Variants in FOXP1 observed in about 807,000 individuals in gnomAD.
FOXP1 encodes forkhead box protein P1.
FOXP1 carries 15 observed loss-of-function variants against 98.2 expected under a neutral mutation model. That is an observed-to-expected ratio of 0.15 (90% confidence interval 0.10 to 0.24). The LOEUF (loss-of-function observed/expected upper bound fraction) is 0.24, where lower values mean the gene tolerates loss of function less well. Ranked by LOEUF, FOXP1 falls within the 10% of genes least tolerant of loss-of-function variation. The pLI is 1.00. For missense variants in FOXP1, 633 were observed against 848.5 expected (o/e 0.75, Z 3.15); for synonymous variants, 371 against 314.5 (o/e 1.18, Z -1.90).
At chr3:71,433,903 G>T (rs34822565) in intron 3 of FOXP1, among the ~76,000 whole-genome samples, 13,402 of 152,288 alleles carry the variant, frequency 0.088, 783 homozygotes, top group Middle Eastern at 0.22. Flanking sequence ...ATCAGCCACA[G>T]ATCCATGCCA....
intron 12 of FOXP1, among the ~76,000 whole-genome samples, chr3:71,009,154 G>GC (rs2043188315): frequency 1.3e-5 from 1 of 79,464 alleles, no homozygotes; most frequent in Non-Finnish European, 2.8e-5. Flanking sequence ...AATCATGGGG[G>GC]CGGGGGGGGG....
At chr3:71,080,498 G>A (rs181934088) in intron 7 of FOXP1, among the ~76,000 whole-genome samples, 4 of 151,300 alleles carry the variant, frequency 2.6e-5, no homozygotes, top group Non-Finnish European at 4.4e-5. Context: ...ATTCACTAGC[G>A]TGACCACATC....
At chr3:71,191,407 T>G (rs551297177) in intron 6 of FOXP1, among the ~76,000 whole-genome samples, 29 of 152,332 alleles carry the variant, frequency 1.9e-4, no homozygotes, top group African/African-American at 6.7e-4. Flanking sequence ...AATTATCTTT[T>G]CAAAGTGGCA....
intron 5 of FOXP1, among the ~76,000 whole-genome samples, chr3:71,253,541 T>C (rs2068391373): frequency 6.6e-6 from 1 of 152,220 alleles, no homozygotes; most frequent in African/African-American, 2.4e-5. Flanking sequence ...AAGTGCAATA[T>C]TACTATGAAG....
At chr3:71,044,215 G>T (rs914100407) in intron 10 of FOXP1, among the ~76,000 whole-genome samples, 1 of 152,174 alleles carries the variant, frequency 6.6e-6, no homozygotes, top group Non-Finnish European at 1.5e-5. Flanking sequence ...CAAATTTCCA[G>T]AAAGTATGTA....
At chr3:71,085,735 C>CTTTTTTTTTTTTTTTTTTTTTTTT (rs56318177) in intron 7 of FOXP1, among the ~76,000 whole-genome samples, 1,564 of 37,002 alleles carry the variant, frequency 0.042, 698 homozygotes, top group African/African-American at 0.062. Flanking sequence ...CATTTATGGC[C>CTTTTTTTTTTTTTTTTTTTTTTTT]TTTTTTTTTT....
intron 3 of FOXP1, among the ~76,000 whole-genome samples, chr3:71,437,851 A>G (rs1027139988): frequency 2.0e-5 from 3 of 152,204 alleles, no homozygotes; most frequent in Admixed American, 2.0e-4. Context: ...TCAAGAGGAC[A>G]GGGCCCCACC....
Position 70,987,093 on chromosome 3 carries a change from A to C in FOXP1, c.1146+901T>G, listed in dbSNP as rs550982026. Among the ~76,000 whole-genome samples, 7 of 152,394 alleles carry C rather than the reference A, an allele frequency of 4.6e-5. No homozygotes were observed. In the South Asian group the frequency reaches 1.4e-3, roughly 32 times the overall value. On this transcript the variant is annotated intron_variant, in intron 14 of 20. Transcript: ENST00000649528. ...TTGTCAACGCTCAATTAATTTTCAC[A>C]CAGTGACTCCAAGCAAAATCAAATA...
intron 1 of FOXP1, 166 bp downstream of exon 1, chr3:71,583,405 G>A: frequency 3.2e-6 from 3 of 933,266 alleles, no homozygotes; most frequent in Non-Finnish European, 3.8e-6. Context: ...TGCACGTGGA[G>A]CCTGGAGGTG....
At chr3:71,052,688 G>A (rs769128429) in intron 8 of FOXP1, 62 bp from the exon 9 acceptor site, 6 of 858,132 alleles carry the variant, frequency 7.0e-6, no homozygotes, top group Non-Finnish European at 1.2e-5. Flanking sequence ...GTCCCTTTTG[G>A]TGCCATACAC....
At chr3:70,995,028 G>A (rs913976572) in intron 13 of FOXP1, among the ~76,000 whole-genome samples, 2 of 151,132 alleles carry the variant, frequency 1.3e-5, no homozygotes, top group Admixed American at 6.6e-5. Flanking sequence ...GATGTTTTTT[G>A]TATTTTTTTT....
intron 2 of FOXP1, among the ~76,000 whole-genome samples, chr3:71,569,360 C>A (rs1173633854): frequency 6.6e-6 from 1 of 152,180 alleles, no homozygotes; most frequent in African/African-American, 2.4e-5. Flanking sequence ...TGCAACTCCA[C>A]AGGCCCATTA....
intron 14 of FOXP1, among the ~76,000 whole-genome samples, chr3:70,978,630 T>C (rs2038112659): frequency 6.6e-6 from 1 of 152,242 alleles, no homozygotes; most frequent in East Asian, 1.9e-4. Flanking sequence ...AGCTCCCTCA[T>C]GCAGCTTCGT....
chr3:71,534,421 C>T (rs890133233), intron 2 of FOXP1, among the ~76,000 whole-genome samples: 2 of 152,128 alleles, frequency 1.3e-5, no homozygotes, highest in African/African-American at 4.8e-5. Flanking sequence ...TTCCCATTCA[C>T]CAACACTGAG....
chr3:71,123,102 C>G lies in FOXP1; in HGVS notation c.181-10465G>C, dbSNP rs1241406233. Reference sequence around the variant, plus strand: ...AACCATATCCACAAGTCTGCCCTCCCTGTTCTCTGCCCACATTTACATGGC... The same window carrying G: ...AACCATATCCACAAGTCTGCCCTCCGTGTTCTCTGCCCACATTTACATGGC... On this transcript the variant is annotated intron_variant, in intron 6 of 20. Transcript: ENST00000649528. 5.3e-5 allele frequency among the ~76,000 whole-genome samples: 8 copies of G among 152,176 alleles called. No homozygotes were observed. The South Asian group carries it at 1.7e-3, about 32-fold the overall frequency.
intron 2 of FOXP1, among the ~76,000 whole-genome samples, chr3:71,561,108 T>C (rs1055576497): frequency 2.0e-5 from 3 of 151,984 alleles, no homozygotes; most frequent in Non-Finnish European, 4.4e-5. Context: ...CCAGGCTGGA[T>C]TGTAGTGGCA....
At chr3:71,234,209 A>G (rs1327068773) in intron 5 of FOXP1, among the ~76,000 whole-genome samples, 1 of 152,218 alleles carries the variant, frequency 6.6e-6, no homozygotes, top group Non-Finnish European at 1.5e-5. Context: ...AAAACCAAAA[A>G]TCTTTTTGGA....
In FOXP1 at chr3:71,532,075, C is replaced by T. The variant is rs74716258; in HGVS notation, c.-297-38520G>A. Among the ~76,000 whole-genome samples the T allele has an allele frequency of 9.8e-3, 1,495 of 152,252 alleles. 32 individuals are homozygous for T. Among genetic ancestry groups the T allele is most frequent in the African/African-American group, 0.033 (1,387 of 41,542 alleles). On this transcript the variant is annotated intron_variant, in intron 2 of 20. Coordinates refer to ENST00000649528, the MANE Select transcript of FOXP1 (RefSeq NM_001349338.3). The stretch of plus-strand genomic sequence containing the variant: ...TTTTTTATCTCTCTTGCAAAAGTTC[C>T]TCCATCACCTGGCACAGCAAAGAAA...
At chr3:71,301,752 TAA>T (rs1032706075) in intron 4 of FOXP1, among the ~76,000 whole-genome samples, 2 of 152,190 alleles carry the variant, frequency 1.3e-5, no homozygotes, top group Non-Finnish European at 2.9e-5. Flanking sequence ...CTCCTTCGAA[TAA>T]AGTTATCTCC....
Sources: gnomAD v4.1 joint callset for allele counts (sites outside exome capture counted in the v4.1 genomes callset) on GRCh38, gnomAD v4.1.1 for gene constraint, MANE v1.5 for transcripts, NCBI Gene and HGNC (gene_info 2026-07-23, HGNC 2026-07-21) for gene names.